The following BTBD9 variants were observed in gnomAD, a reference collection of about 807,000 sequenced individuals.
The protein encoded by BTBD9 is BTB/POZ domain-containing protein 9.
Under a neutral mutation model 64.3 loss-of-function variants are expected in BTBD9, and 49 were observed. The observed-to-expected ratio is 0.76, with a 90% CI of 0.61 to 0.97. The LOEUF (loss-of-function observed/expected upper bound fraction) is 0.97, where lower values mean the gene tolerates loss of function less well. Among genes scored for constraint, BTBD9 ranks in the 50% least tolerant of loss-of-function variants. The pLI is 0.00. For synonymous variants in BTBD9, 260 were observed against 274.7 expected, an observed-to-expected ratio of 0.95 and a Z score of 0.53; for missense variants, 598 against 762.1, an observed-to-expected ratio of 0.78 and a Z score of 2.53.
rs75768438 is a variant in BTBD9, at chr6:38,176,168, C to T, written c.1642-986G>A. On this transcript the variant is annotated intron_variant, in intron 10 of 10. Transcript: ENST00000481247. ...AGCTGTGGGGTGCAGGAGAGAAGGG[C>T]GGGGTGGGGGCTGTCGTTGCCACTG... 3.5e-3 allele frequency among the ~76,000 whole-genome samples: 540 copies of T among 152,184 alleles called. 3 individuals are homozygous for T. Among genetic ancestry groups the T allele is most frequent in the African/African-American group, 0.011 (441 of 41,520 alleles).
At chr6:38,251,281 T>A (rs893878699) in intron 9 of BTBD9, among the ~76,000 whole-genome samples, 7 of 150,596 alleles carry the variant, frequency 4.6e-5, no homozygotes, top group Admixed American at 1.3e-4. Flanking sequence ...TTTTTTTTTT[T>A]AAAGATGGGC....
chr6:38,221,308 C>T (rs760846216), intron 9 of BTBD9, among the ~76,000 whole-genome samples: 7 of 152,144 alleles, frequency 4.6e-5, no homozygotes, highest in Non-Finnish European at 8.8e-5. Flanking sequence ...TGCAGTCAAT[C>T]GAAACACTGC....
chr6:38,370,771 A>C (rs1765386133), intron 6 of BTBD9, among the ~76,000 whole-genome samples: 1 of 152,214 alleles, frequency 6.6e-6, no homozygotes, highest in African/African-American at 2.4e-5. Context: ...TCACTGCAAC[A>C]AATGTCTCTA....
intron 8 of BTBD9, among the ~76,000 whole-genome samples, chr6:38,262,071 C>T (rs560840321): frequency 6.6e-6 from 1 of 152,320 alleles, no homozygotes; most frequent in Admixed American, 6.5e-5. Flanking sequence ...TTTGCTCTAC[C>T]AATTCCCTTC....
intron 6 of BTBD9, among the ~76,000 whole-genome samples, chr6:38,533,812 A>G (rs1356403306): frequency 6.6e-6 from 1 of 152,210 alleles, no homozygotes; most frequent in Non-Finnish European, 1.5e-5. Context: ...GAAATTAAAA[A>G]GGAAATTGAA....
intron 8 of BTBD9, among the ~76,000 whole-genome samples, chr6:38,262,334 C>G (rs1008931863): frequency 1.3e-5 from 2 of 152,282 alleles, no homozygotes; most frequent in Non-Finnish European, 2.9e-5. Context: ...CAGATCAGGT[C>G]GGTGTTTAGC....
At chr6:38,591,700 C>T (rs1036933032) in intron 4 of BTBD9, among the ~76,000 whole-genome samples, 2 of 152,102 alleles carry the variant, frequency 1.3e-5, no homozygotes, top group East Asian at 3.8e-4. Context: ...ACAGTATATA[C>T]CTCAAAGAGT....
At chr6:38,596,825 C>T (rs1293967886) in intron 2 of BTBD9, among the ~76,000 whole-genome samples, 1 of 150,288 alleles carries the variant, frequency 6.7e-6, no homozygotes, top group Non-Finnish European at 1.5e-5. Flanking sequence ...AAAGTGGGCT[C>T]TTATAAAACA....
intron 7 of BTBD9, among the ~76,000 whole-genome samples, chr6:38,321,386 T>C (rs1050831481): frequency 1.3e-5 from 2 of 152,154 alleles, no homozygotes; most frequent in African/African-American, 4.8e-5. Flanking sequence ...ATAATTTCCT[T>C]AGGGTGTGCT....
intron 1 of BTBD9, among the ~76,000 whole-genome samples, chr6:38,601,122 C>T (rs946556637): frequency 2.6e-5 from 4 of 152,092 alleles, no homozygotes; most frequent in Admixed American, 2.0e-4. Context: ...GGGGCCCAGG[C>T]ATTGGAATCA....
chr6:38,585,938 CCACACACACACACACA>C (rs10660204), intron 4 of BTBD9, among the ~76,000 whole-genome samples: 9 of 140,758 alleles, frequency 6.4e-5, no homozygotes, highest in African/African-American at 1.1e-4. Flanking sequence ...ACAGGACAGA[CCACACACACACACACA>C]CACACACACA....
intron 6 of BTBD9, among the ~76,000 whole-genome samples, chr6:38,399,251 T>A (rs565855395): frequency 6.6e-6 from 1 of 152,232 alleles, no homozygotes; most frequent in African/African-American, 2.4e-5. Flanking sequence ...CAATACTACC[T>A]AGATTTAGAA....
At chr6:38,455,911 A>G (rs1408629739) in intron 6 of BTBD9, among the ~76,000 whole-genome samples, 1 of 151,974 alleles carries the variant, frequency 6.6e-6, no homozygotes, top group Admixed American at 6.5e-5. Flanking sequence ...TCCTGACCTC[A>G]GGTGATCCAC....
intron 6 of BTBD9, among the ~76,000 whole-genome samples, chr6:38,556,738 C>T (rs570247056): frequency 5.3e-5 from 8 of 151,652 alleles, no homozygotes; most frequent in East Asian, 1.9e-4. Context: ...GACCTTCGGC[C>T]GGGCGCGGTG....
At chr6:38,636,402 C>T (rs1483580399) in intron 1 of BTBD9, among the ~76,000 whole-genome samples, 1 of 152,186 alleles carries the variant, frequency 6.6e-6, no homozygotes, top group Non-Finnish European at 1.5e-5. Flanking sequence ...TCTTTTTAAA[C>T]TCCCCACAGA....
In BTBD9 at chr6:38,534,924, G is replaced by A. The variant is rs149209166; in HGVS notation, c.1154+42676C>T. On this transcript the variant is annotated intron_variant, in intron 6 of 10. Coordinates refer to ENST00000481247, the MANE Select transcript of BTBD9 (RefSeq NM_001099272.2). ...ATGCAACTAGTATCATACTGAATGA[G>A]GAAAAACTGAAATCATTTCTTCTAA... is the stretch of plus-strand genomic sequence containing the variant. 3.5e-3 allele frequency among the ~76,000 whole-genome samples: 532 copies of A among 152,120 alleles called. 9 individuals are homozygous for A. Among genetic ancestry groups the A allele is most frequent in the Middle Eastern group, 0.014 (4 of 294 alleles).
intron 6 of BTBD9, among the ~76,000 whole-genome samples, chr6:38,460,964 T>C (rs1770058615): frequency 6.6e-6 from 1 of 152,290 alleles, no homozygotes; most frequent in African/African-American, 2.4e-5. Flanking sequence ...ACTTAGTAAT[T>C]AATGAAATAT....
rs577325792 is a variant in BTBD9, at chr6:38,600,619, C to T, written c.-27-2498G>A. 3.3e-5 allele frequency among the ~76,000 whole-genome samples: 5 copies of T among 152,224 alleles called. No individual in the cohort carries two copies. The South Asian group carries it at 1.0e-3, about 32-fold the overall frequency. ...CGCTCTTCCTGGCTGAAAAAAAATG[C>T]AATGTATATACCCAGTAAATATATT... On this transcript the variant is annotated intron_variant, in intron 1 of 10. Coordinates refer to ENST00000481247, the MANE Select transcript of BTBD9 (RefSeq NM_001099272.2).
chr6:38,482,725 T>C (rs139006145), intron 6 of BTBD9, among the ~76,000 whole-genome samples: 1 of 152,202 alleles, frequency 6.6e-6, no homozygotes, highest in African/African-American at 2.4e-5. Flanking sequence ...CAGATCTGTA[T>C]CTGAGATAGA....
Sources: gnomAD v4.1 joint callset for allele counts (sites outside exome capture counted in the v4.1 genomes callset) on GRCh38, gnomAD v4.1.1 for gene constraint, MANE v1.5 for transcripts, NCBI Gene and HGNC (gene_info 2026-07-23, HGNC 2026-07-21) for gene names.